The following SORCS2 variants were observed in gnomAD, a reference collection of about 807,000 sequenced individuals.
SORCS2 encodes VPS10 domain-containing receptor SorCS2.
Under a neutral mutation model 141.6 loss-of-function variants are expected in SORCS2, and 100 were observed. The observed-to-expected ratio is 0.71, with a 90% CI of 0.60 to 0.83. The LOEUF is 0.83. Ranked by LOEUF, SORCS2 falls within the 40% of genes least tolerant of loss-of-function variation. The probability of loss-of-function intolerance (pLI) is 0.00; values close to 1 mark genes in which losing one functional copy is unlikely to be tolerated. For synonymous variants in SORCS2, 789 were observed against 676.9 expected (o/e 1.17, Z -2.57); for missense variants, 1,646 against 1,560.2 (o/e 1.05, Z -0.93).
chr4:7,704,290 T>C lies in SORCS2; in HGVS notation c.1868+6T>C. 6.2e-7 allele frequency: 1 copy of C among 1,605,676 alleles called. No homozygotes were observed. Among genetic ancestry groups the C allele is most frequent in the Non-Finnish European group, 8.5e-7 (1 of 1,176,250 alleles). On this transcript the variant is annotated splice_donor_region_variant and intron_variant, in intron 14 of 26. Coordinates refer to ENST00000507866, the MANE Select transcript of SORCS2 (RefSeq NM_020777.3). ...GACGAGACGCTGGTCATGACGTGAG[T>C]GCGGGGACCGGGGAGTGGGCACTGG...
chr4:7,397,956 C>G (rs1303426165), intron 2 of SORCS2, among the ~76,000 whole-genome samples: 1 of 152,220 alleles, frequency 6.6e-6, no homozygotes, highest in East Asian at 1.9e-4. Context: ...ATGGAGGGAT[C>G]TGCCTGGGGA....
intron 2 of SORCS2, among the ~76,000 whole-genome samples, chr4:7,506,212 T>C (rs575092127): frequency 6.6e-6 from 1 of 150,596 alleles, no homozygotes; most frequent in Admixed American, 6.6e-5. Flanking sequence ...AGGAACTTCT[T>C]TTAGTCTGAG....
At chr4:7,260,655 GAC>G (rs1175162057) in intron 1 of SORCS2, among the ~76,000 whole-genome samples, 1 of 152,220 alleles carries the variant, frequency 6.6e-6, no homozygotes, top group Non-Finnish European at 1.5e-5. Context: ...CCTCTTAAGA[GAC>G]ACACACAGAG....
intron 3 of SORCS2, among the ~76,000 whole-genome samples, chr4:7,552,230 T>C (rs930165184): frequency 2.6e-5 from 4 of 152,166 alleles, no homozygotes; most frequent in Admixed American, 2.6e-4. Context: ...GGCAGGTATA[T>C]TGCTGAGGGT....
intron 1 of SORCS2, among the ~76,000 whole-genome samples, chr4:7,354,961 C>T (rs1721158757): frequency 6.6e-6 from 1 of 151,930 alleles, no homozygotes; most frequent in Admixed American, 6.6e-5. Context: ...TTTATTTATC[C>T]CAATCTCATC....
chr4:7,683,030 A>G (rs1723628215), intron 10 of SORCS2, 141 bp downstream of exon 10: 2 of 1,103,512 alleles, frequency 1.8e-6, no homozygotes, highest in Non-Finnish European at 2.5e-6. Flanking sequence ...TGGGTGTGGT[A>G]GAGAGGGTCA....
intron 3 of SORCS2, among the ~76,000 whole-genome samples, chr4:7,619,903 C>T (rs1477677045): frequency 2.0e-5 from 3 of 152,140 alleles, no homozygotes; most frequent in Non-Finnish European, 4.4e-5. Context: ...TAAAGAGGGT[C>T]TCGGCACAGA....
chr4:7,611,136 G>C (rs1718377290), intron 3 of SORCS2, among the ~76,000 whole-genome samples: 1 of 152,196 alleles, frequency 6.6e-6, no homozygotes, highest in Admixed American at 6.5e-5. Context: ...GCTGTGAAAA[G>C]CAAAAGCCCA....
At chr4:7,585,019 G>T (rs1404603451) in intron 3 of SORCS2, among the ~76,000 whole-genome samples, 1 of 152,194 alleles carries the variant, frequency 6.6e-6, no homozygotes, top group Non-Finnish European at 1.5e-5. Flanking sequence ...TGCACGCCCT[G>T]AGAGGGAGAG....
intron 1 of SORCS2, among the ~76,000 whole-genome samples, chr4:7,359,583 C>T (rs770299733): frequency 3.2e-4 from 49 of 152,312 alleles, no homozygotes; most frequent in African/African-American, 1.2e-3. Flanking sequence ...CCAGAGGCCC[C>T]GTGGAGGTTC....
chr4:7,493,888 G>A (rs1577654740), intron 2 of SORCS2, among the ~76,000 whole-genome samples: 4 of 152,278 alleles, frequency 2.6e-5, no homozygotes, highest in East Asian at 1.9e-4. Flanking sequence ...ATACACCCTC[G>A]AAATAAACCA....
intron 3 of SORCS2, among the ~76,000 whole-genome samples, chr4:7,601,749 T>C (rs1226546043): frequency 6.6e-6 from 1 of 151,384 alleles, no homozygotes; most frequent in Non-Finnish European, 1.5e-5. Flanking sequence ...AGGACAATAG[T>C]GGAGGGAAGG....
At chr4:7,681,836 T>G (rs1723544775) in intron 9 of SORCS2, among the ~76,000 whole-genome samples, 1 of 152,236 alleles carries the variant, frequency 6.6e-6, no homozygotes, top group Non-Finnish European at 1.5e-5. Context: ...TATGGGCCTT[T>G]GGGCAGGTTG....
intron 1 of SORCS2, among the ~76,000 whole-genome samples, chr4:7,215,292 G>A (rs915168951): frequency 9.9e-5 from 15 of 152,216 alleles, no homozygotes; most frequent in African/African-American, 3.4e-4. Context: ...TGTGGAGGGT[G>A]TACTGGGTCC....
chr4:7,682,731 T>C lies in SORCS2; in HGVS notation c.1342-12T>C. The C allele has an allele frequency of 6.2e-7, 1 of 1,602,244 alleles. No individual in the cohort carries two copies. Among genetic ancestry groups the C allele is most frequent in the Non-Finnish European group, 8.5e-7 (1 of 1,174,198 alleles). On this transcript the variant is annotated splice_polypyrimidine_tract_variant and intron_variant, in intron 9 of 26. Transcript: ENST00000507866. ...GTGTAAGTTTACAGTCCTTCTTTTA[T>C]TTTTGTCCCAGGTCAGAGGGGTGAA...
intron 1 of SORCS2, among the ~76,000 whole-genome samples, chr4:7,370,644 C>T (rs376319233): frequency 2.6e-5 from 4 of 152,222 alleles, no homozygotes; most frequent in African/African-American, 4.8e-5. Flanking sequence ...CTTCCCCTGG[C>T]GCGGCCCCTG....
intron 11 of SORCS2, among the ~76,000 whole-genome samples, chr4:7,696,459 G>A (rs1186120524): frequency 6.6e-6 from 1 of 152,234 alleles, no homozygotes; most frequent in Admixed American, 6.5e-5. Flanking sequence ...CACGGCCGTT[G>A]TTCTTTCTAC....
At chr4:7,212,981 C>A (rs941386127) in intron 1 of SORCS2, among the ~76,000 whole-genome samples, 1 of 152,246 alleles carries the variant, frequency 6.6e-6, no homozygotes, top group Non-Finnish European at 1.5e-5. Flanking sequence ...ATACCCTTCC[C>A]ACCTTGTGCT....
At chr4:7,459,839 C>T (rs1729178343) in intron 2 of SORCS2, among the ~76,000 whole-genome samples, 1 of 152,180 alleles carries the variant, frequency 6.6e-6, no homozygotes, top group Non-Finnish European at 1.5e-5. Flanking sequence ...GGGCATTAGC[C>T]AGGGCCATCC....
Sources: gnomAD v4.1 joint callset for allele counts (sites outside exome capture counted in the v4.1 genomes callset) on GRCh38, gnomAD v4.1.1 for gene constraint, MANE v1.5 for transcripts, NCBI Gene and HGNC (gene_info 2026-07-23, HGNC 2026-07-21) for gene names.